The following AGMO variants were observed in gnomAD, a reference collection of about 807,000 sequenced individuals.
AGMO encodes the protein alkylglycerol monooxygenase, also known as glyceryl-ether monooxygenase.
A neutral mutation model predicts 60.2 loss-of-function variants in AGMO; 75 were observed. That is an observed-to-expected ratio of 1.25 (90% CI 1.03 to 1.51). The LOEUF (loss-of-function observed/expected upper bound fraction) is 1.51, where lower values mean the gene tolerates loss of function less well. AGMO is among the 40% of genes most tolerant of loss of function. The pLI is 0.00. For synonymous variants in AGMO, 261 were observed against 177.1 expected (o/e 1.47, Z -3.76); for missense variants, 763 against 525.5 (o/e 1.45, Z -4.42).
At chr7:15,199,178 T>C (rs1046041728), downstream of AGMO, among the ~76,000 whole-genome samples, 7 of 152,206 alleles carry the variant, frequency 4.6e-5, no homozygotes, top group Non-Finnish European at 1.0e-4. Context: ...ACTGTTATAA[T>C]TTTTGTATAG....
At chr7:15,543,904 C>G (rs1292515956) in intron 3 of AGMO, among the ~76,000 whole-genome samples, 2 of 151,760 alleles carry the variant, frequency 1.3e-5, no homozygotes, top group South Asian at 2.1e-4. Flanking sequence ...AGTCATTGTA[C>G]TAGTTTACCT....
chr7:15,503,600 AT>A (rs956301109), intron 3 of AGMO, among the ~76,000 whole-genome samples: 2 of 152,048 alleles, frequency 1.3e-5, no homozygotes, highest in African/African-American at 4.8e-5. Context: ...ATAAATCAAT[AT>A]GAGCTGCAGA....
chr7:15,519,569 G>A (rs1343695674), intron 3 of AGMO, among the ~76,000 whole-genome samples: 1 of 152,042 alleles, frequency 6.6e-6, no homozygotes, highest in African/African-American at 2.4e-5. Flanking sequence ...CTTCATAAGT[G>A]AAGAAAAAAT....
chr7:15,342,779 C>CAAAAAAAAA lies in AGMO; in HGVS notation c.1263+22726_1263+22734dup, dbSNP rs780336320. On this transcript the variant is annotated intron_variant, in intron 12 of 12. Transcript: ENST00000342526. ...TTTATGTGGGAGTACAGTATAGCTG[C>CAAAAAAAAA]AAAAAAAAAAAAAAAAAAAAAAAAA... Among the ~76,000 whole-genome samples, 43 of 61,662 alleles carry CAAAAAAAAA rather than the reference C, an allele frequency of 7.0e-4. 5 individuals carry two copies. The highest frequency in any genetic ancestry group is 2.4e-3 in the African/African-American group (32 of 13,464). 40.5% of individuals were successfully genotyped at this position (61,662 alleles called of 152,430 possible).
the AGMO span, among the ~76,000 whole-genome samples, chr7:15,150,069 G>C: frequency 6.6e-6 from 1 of 151,994 alleles, no homozygotes; most frequent in Non-Finnish European, 1.5e-5. Flanking sequence ...TATTATGAAT[G>C]GGATTGCATT....
chr7:15,416,876 A>C (rs1362906855), intron 5 of AGMO, among the ~76,000 whole-genome samples: 1 of 152,148 alleles, frequency 6.6e-6, no homozygotes, highest in Non-Finnish European at 1.5e-5. Context: ...AAATGATAAA[A>C]ATAATTTTAA....
chr7:15,480,272 T>A (rs1782714765), intron 3 of AGMO, among the ~76,000 whole-genome samples: 1 of 152,308 alleles, frequency 6.6e-6, no homozygotes, highest in Admixed American at 6.5e-5. Flanking sequence ...TTTGGGTTTA[T>A]CAGTAGAGAT....
intron 12 of AGMO, among the ~76,000 whole-genome samples, chr7:15,254,074 T>C (rs1783024227): frequency 6.6e-6 from 1 of 152,192 alleles, no homozygotes; most frequent in South Asian, 2.1e-4. Context: ...TGTATAGTAT[T>C]CCATTGTGGA....
intron 12 of AGMO, among the ~76,000 whole-genome samples, chr7:15,245,350 G>C (rs974546837): frequency 3.9e-5 from 6 of 152,102 alleles, no homozygotes; most frequent in African/African-American, 1.4e-4. Flanking sequence ...TTGACCAGGG[G>C]AAATGCTAAG....
At chr7:15,384,908 T>A (rs1783853702) in intron 10 of AGMO, among the ~76,000 whole-genome samples, 1 of 151,376 alleles carries the variant, frequency 6.6e-6, no homozygotes, top group Non-Finnish European at 1.5e-5. Context: ...TATTCTTTTG[T>A]GGCCAAAAAA....
At chr7:15,128,715 G>A in the AGMO span, among the ~76,000 whole-genome samples, 2 of 152,032 alleles carry the variant, frequency 1.3e-5, no homozygotes, top group Admixed American at 1.3e-4. Context: ...ATAATCATTT[G>A]AAACAGTTTA....
chr7:15,438,721 A>C (rs1781466742), intron 3 of AGMO, among the ~76,000 whole-genome samples: 1 of 152,186 alleles, frequency 6.6e-6, no homozygotes, highest in African/African-American at 2.4e-5. Flanking sequence ...AGATGGAAGG[A>C]TTCTGGGTCC....
intron 3 of AGMO, among the ~76,000 whole-genome samples, chr7:15,481,789 A>AT (rs5882513): frequency 0.16 from 15,887 of 98,772 alleles, 1,342 homozygotes; most frequent in African/African-American, 0.22. Context: ...GACTAAATGT[A>AT]TTTTTTTTTT....
At chr7:15,356,307 TAGAC>T (rs1252617463) in intron 12 of AGMO, among the ~76,000 whole-genome samples, 2 of 152,106 alleles carry the variant, frequency 1.3e-5, no homozygotes, top group African/African-American at 2.4e-5. Flanking sequence ...CACTAGAGAA[TAGAC>T]AGATATGTAT....
intron 12 of AGMO, among the ~76,000 whole-genome samples, chr7:15,272,384 GT>G (rs979472887): frequency 6.7e-6 from 1 of 150,256 alleles, no homozygotes; most frequent in South Asian, 2.1e-4. Flanking sequence ...GCGGTGTTTG[GT>G]TTTTTGTTCT....
Position 15,247,414 on chromosome 7 carries a change from T to TCACACACA in AGMO, c.1264-46063_1264-46056dup, listed in dbSNP as rs71525649. On this transcript the variant is annotated intron_variant, in intron 12 of 12. Transcript: ENST00000342526. ...TTTGTTAATATATGACTTGGAGATTTCACACACACACACACACACACACAC... is the reference window on the plus strand; with the variant it reads ...TTTGTTAATATATGACTTGGAGATTTCACACACACACACACACACACACACACACACAC... Among the ~76,000 whole-genome samples the TCACACACA allele has an allele frequency of 1.3e-3, 167 of 123,734 alleles. 1 individual carries two copies. The highest frequency in any genetic ancestry group is 4.5e-3 in the Middle Eastern group (1 of 224). 81.2% of individuals were successfully genotyped at this position (123,734 alleles called of 152,430 possible).
At chr7:15,512,992 C>T (rs2128531269) in intron 3 of AGMO, among the ~76,000 whole-genome samples, 2 of 152,226 alleles carry the variant, frequency 1.3e-5, no homozygotes, top group East Asian at 3.9e-4. Context: ...TGCAAATTTG[C>T]ATGTCACTTA....
intron 12 of AGMO, among the ~76,000 whole-genome samples, chr7:15,302,356 A>G (rs1780470433): frequency 6.6e-6 from 1 of 152,174 alleles, no homozygotes; most frequent in Admixed American, 6.5e-5. Context: ...ACTTTCTTCA[A>G]AAATTATATT....
At chr7:15,186,709 A>C in the AGMO span, among the ~76,000 whole-genome samples, 1 of 152,212 alleles carries the variant, frequency 6.6e-6, no homozygotes, top group Non-Finnish European at 1.5e-5. Context: ...CCAAAAGGTA[A>C]ACTAAAGGTT....
Sources: gnomAD v4.1 joint callset for allele counts (sites outside exome capture counted in the v4.1 genomes callset) on GRCh38, gnomAD v4.1.1 for gene constraint, MANE v1.5 for transcripts, NCBI Gene and HGNC (gene_info 2026-07-23, HGNC 2026-07-21) for gene names.